SLC35F3: variants seen among roughly 807,000 people sequenced by gnomAD.
SLC35F3 encodes the protein solute carrier family 35 member F3.
Under a neutral mutation model 49.9 loss-of-function variants are expected in SLC35F3, and 25 were observed. The observed-to-expected ratio is 0.50, with a 90% confidence interval of 0.37 to 0.70. SLC35F3 has a LOEUF of 0.70. SLC35F3 is among the 30% of genes least tolerant of loss of function. The pLI is 0.00. For synonymous variants in SLC35F3, 275 were observed against 265.4 expected (o/e 1.04, Z -0.35); for missense variants, 525 against 639.8 (o/e 0.82, Z 1.94).
chr1:234,195,324 C>T (rs978934863), intron 2 of SLC35F3, among the ~76,000 whole-genome samples: 3 of 152,158 alleles, frequency 2.0e-5, no homozygotes, highest in African/African-American at 7.2e-5. Context: ...CCTCATCTCT[C>T]GCCTCACTTC....
intron 2 of SLC35F3, among the ~76,000 whole-genome samples, chr1:234,076,916 T>C (rs2102870637): frequency 6.6e-6 from 1 of 151,798 alleles, no homozygotes; most frequent in South Asian, 2.1e-4. Context: ...TTACTAATGG[T>C]GGGTGTATTA....
chr1:233,952,444 G>A (rs985330295), intron 2 of SLC35F3, among the ~76,000 whole-genome samples: 2 of 152,196 alleles, frequency 1.3e-5, no homozygotes, highest in Non-Finnish European at 2.9e-5. Flanking sequence ...AGGGATTTAT[G>A]TTTAATTGTA....
At chr1:233,946,212 C>T (rs1454453613) in intron 2 of SLC35F3, among the ~76,000 whole-genome samples, 2 of 152,198 alleles carry the variant, frequency 1.3e-5, no homozygotes, top group African/African-American at 4.8e-5. Flanking sequence ...CAAGCTTTAG[C>T]ACTTGAAGGG....
At position 234,131,990 on chromosome 1, in the gene SLC35F3, C is replaced by A. The variant is rs1314228880; in HGVS notation, c.284-99427C>A. Among the ~76,000 whole-genome samples the A allele has an allele frequency of 2.0e-5, 3 of 152,250 alleles. No homozygotes were observed. The South Asian group carries it at 6.2e-4, about 32-fold the overall frequency. On this transcript the variant is annotated intron_variant, in intron 2 of 7. Transcript: ENST00000366618. ...GGAGTGGAGTGGAGGAGAGGCTGTG[C>A]AGTTCTTTTCCCTAGAAGCAGCTGA... is the stretch of plus-strand genomic sequence containing the variant.
intron 2 of SLC35F3, among the ~76,000 whole-genome samples, chr1:233,958,041 A>G (rs901252374): frequency 1.3e-5 from 2 of 152,100 alleles, no homozygotes; most frequent in Admixed American, 1.3e-4. Flanking sequence ...TAGCTTCTCC[A>G]TGTGCTTTCT....
chr1:234,167,687 A>G (rs1045765120), intron 2 of SLC35F3, among the ~76,000 whole-genome samples: 3 of 152,182 alleles, frequency 2.0e-5, no homozygotes, highest in African/African-American at 7.2e-5. Flanking sequence ...CTTCATAGCA[A>G]GCAGAGAGAG....
At chr1:234,169,349 A>G (rs1056856535) in intron 2 of SLC35F3, among the ~76,000 whole-genome samples, 8 of 152,174 alleles carry the variant, frequency 5.3e-5, no homozygotes, top group Admixed American at 3.3e-4. Flanking sequence ...CATAAGATTA[A>G]TGATTTCAGT....
At chr1:234,176,359 A>G (rs1666475698) in intron 2 of SLC35F3, among the ~76,000 whole-genome samples, 1 of 152,188 alleles carries the variant, frequency 6.6e-6, no homozygotes, top group Non-Finnish European at 1.5e-5. Flanking sequence ...CTGTTCATAG[A>G]GTGGAAAAGC....
At chr1:234,087,358 C>CAA (rs1664976031) in intron 2 of SLC35F3, among the ~76,000 whole-genome samples, 2 of 152,212 alleles carry the variant, frequency 1.3e-5, no homozygotes, top group Admixed American at 1.3e-4. Context: ...GTTAAATGTT[C>CAA]AATACCAAGA....
chr1:234,315,187 G>A (rs1365441696), intron 4 of SLC35F3, among the ~76,000 whole-genome samples: 1 of 152,126 alleles, frequency 6.6e-6, no homozygotes, highest in Non-Finnish European at 1.5e-5. Context: ...TCTCTTACAC[G>A]ACAACCACCT....
intron 2 of SLC35F3, among the ~76,000 whole-genome samples, chr1:234,012,263 A>G (rs1160585130): frequency 6.6e-6 from 1 of 152,222 alleles, no homozygotes; most frequent in Non-Finnish European, 1.5e-5. Context: ...AGAATTGAAC[A>G]AATGTACAAT....
intron 3 of SLC35F3, among the ~76,000 whole-genome samples, chr1:234,248,994 A>G (rs1477550679): frequency 6.6e-6 from 1 of 152,230 alleles, no homozygotes; most frequent in Non-Finnish European, 1.5e-5. Context: ...CAGAGGGAGT[A>G]GATTTTGCAG....
intron 2 of SLC35F3, among the ~76,000 whole-genome samples, chr1:234,095,654 T>C (rs1197579372): frequency 6.6e-6 from 1 of 152,224 alleles, no homozygotes; most frequent in Non-Finnish European, 1.5e-5. Flanking sequence ...ATTGGTATCA[T>C]GAAGGGCAAC....
At chr1:234,232,205 C>A (rs752065348) in intron 3 of SLC35F3, among the ~76,000 whole-genome samples, 4 of 152,250 alleles carry the variant, frequency 2.6e-5, no homozygotes, top group South Asian at 4.1e-4. Flanking sequence ...GACATGCCCC[C>A]CTTCGCGTAT....
intron 2 of SLC35F3, among the ~76,000 whole-genome samples, chr1:234,205,402 A>G (rs1454479017): frequency 6.6e-6 from 1 of 152,246 alleles, no homozygotes; most frequent in African/African-American, 2.4e-5. Context: ...CAGAGGTCGC[A>G]GTGAGCTGAG....
intron 2 of SLC35F3, among the ~76,000 whole-genome samples, chr1:234,174,532 A>G (rs962498964): frequency 2.0e-5 from 3 of 152,154 alleles, no homozygotes; most frequent in Admixed American, 2.0e-4. Flanking sequence ...TATCATCCCC[A>G]TTCTGCACAC....
chr1:234,015,327 G>A (rs371439219), intron 2 of SLC35F3, among the ~76,000 whole-genome samples: 1 of 142,210 alleles, frequency 7.0e-6, no homozygotes, highest in African/African-American at 2.7e-5. Context: ...TAGCCTGGGC[G>A]ACAGAGCAAG....
chr1:234,041,103 A>G (rs545654017), intron 2 of SLC35F3, among the ~76,000 whole-genome samples: 23 of 152,324 alleles, frequency 1.5e-4, no homozygotes, highest in African/African-American at 4.1e-4. Context: ...TTCTTTGGTA[A>G]TGATGTCATC....
At chr1:234,290,291 A>C (rs1386135535) in intron 3 of SLC35F3, among the ~76,000 whole-genome samples, 1 of 152,232 alleles carries the variant, frequency 6.6e-6, no homozygotes, top group African/African-American at 2.4e-5. Context: ...GGGAGAAGAA[A>C]TTGTTTTAAA....
Sources: gnomAD v4.1 joint callset for allele counts (sites outside exome capture counted in the v4.1 genomes callset) on GRCh38, gnomAD v4.1.1 for gene constraint, MANE v1.5 for transcripts, NCBI Gene and HGNC (gene_info 2026-07-23, HGNC 2026-07-21) for gene names.